The following CAMSAP1 variants were observed in gnomAD, a reference collection of about 807,000 sequenced individuals.
CAMSAP1 encodes the protein calmodulin-regulated spectrin-associated protein 1.
CAMSAP1 carries 58 observed loss-of-function variants against 143.5 expected under a neutral mutation model. That is an observed-to-expected ratio of 0.40 (90% CI 0.33 to 0.50). The LOEUF (loss-of-function observed/expected upper bound fraction) is 0.50, where lower values mean the gene tolerates loss of function less well. Among genes scored for constraint, CAMSAP1 ranks in the 20% least tolerant of loss-of-function variants. The pLI, the probability that CAMSAP1 is intolerant of heterozygous loss-of-function variation, is 0.45. For missense variants in CAMSAP1, 1,969 were observed against 2,115.7 expected (o/e 0.93, Z 1.36); for synonymous variants, 945 against 859.3 (o/e 1.10, Z -1.74).
chr9:135,871,452 T>G (rs1837567981), intron 3 of CAMSAP1, among the ~76,000 whole-genome samples: 1 of 152,226 alleles, frequency 6.6e-6, no homozygotes, highest in African/African-American at 2.4e-5. Flanking sequence ...CCTACCAAAG[T>G]GCTGAGATTC....
At chr9:135,853,837 T>G (rs960568916) in intron 5 of CAMSAP1, among the ~76,000 whole-genome samples, 6 of 152,190 alleles carry the variant, frequency 3.9e-5, no homozygotes, top group Non-Finnish European at 7.4e-5. Flanking sequence ...CTGCCACAGG[T>G]GGGGTCAACA....
chr9:135,904,365 C>G lies in CAMSAP1; in HGVS notation c.160+2635G>C, dbSNP rs367886620. ...AGTGAACCGAGGTCACACCACTGCA[C>G]TCCAGCCTGGCCGACAGAGCGAGAC... On this transcript the variant is annotated intron_variant, in intron 1 of 16. Coordinates refer to ENST00000389532, the MANE Select transcript of CAMSAP1 (RefSeq NM_015447.4). 5.9e-4 allele frequency among the ~76,000 whole-genome samples: 87 copies of G among 147,596 alleles called. No individual in the cohort carries two copies. In the Middle Eastern group the frequency reaches 0.021, roughly 35 times the overall value.
chr9:135,857,936 C>T (rs944258074), intron 5 of CAMSAP1, among the ~76,000 whole-genome samples: 5 of 152,166 alleles, frequency 3.3e-5, no homozygotes, highest in African/African-American at 1.2e-4. Flanking sequence ...GCTCAGTTCT[C>T]CTCAAGAGTG....
chr9:135,869,327 AC>A (rs202236717), intron 3 of CAMSAP1, among the ~76,000 whole-genome samples: 2,113 of 151,920 alleles, frequency 0.014, 35 homozygotes, highest in African/African-American at 0.045. Flanking sequence ...ACATGACGAA[AC>A]CCTGTCTCTA....
At chr9:135,842,508 C>A (rs1175098752) in intron 7 of CAMSAP1, among the ~76,000 whole-genome samples, 2 of 151,936 alleles carry the variant, frequency 1.3e-5, no homozygotes, top group East Asian at 1.9e-4. Context: ...ACAGCACACT[C>A]CACGAGAAGA....
intron 1 of CAMSAP1, among the ~76,000 whole-genome samples, chr9:135,888,663 C>A (rs77364656): frequency 0.017 from 2,556 of 152,292 alleles, 31 homozygotes; most frequent in Middle Eastern, 0.037. Context: ...CTGCAGAGGC[C>A]CCAAAGGTGA....
At chr9:135,812,899 T>C (rs2131634044) in intron 16 of CAMSAP1, among the ~76,000 whole-genome samples, 1 of 150,754 alleles carries the variant, frequency 6.6e-6, no homozygotes, top group Non-Finnish European at 1.5e-5. Context: ...GAGGTTGCAG[T>C]GAGCTGAGAT....
chr9:135,808,566 A>G lies in CAMSAP1; in HGVS notation c.*2743T>C, dbSNP rs1834926210. The G allele has an allele frequency of 6.6e-6, 1 of 152,252 alleles. No individual in the cohort carries two copies. Among genetic ancestry groups the G allele is most frequent in the Non-Finnish European group, 1.5e-5 (1 of 68,036 alleles). The allele number at this position is 152,252 out of a possible 1,614,324, so 9.4% of individuals were successfully genotyped here. On this transcript the variant is annotated 3_prime_UTR_variant, in exon 17 of 17. Transcript: ENST00000389532. ...ACTACAATTTCAGGGAGGTAAAAGT[A>G]TAACCTAGAAGTAATTTAGAATTAT...
chr9:135,844,365 G>A (rs1267984732), intron 7 of CAMSAP1, among the ~76,000 whole-genome samples: 7 of 152,134 alleles, frequency 4.6e-5, no homozygotes, highest in African/African-American at 7.2e-5. Context: ...GGTAAATTAC[G>A]AAATTAAGGC....
At chr9:135,896,892 G>C (rs1470392993) in intron 1 of CAMSAP1, among the ~76,000 whole-genome samples, 2 of 152,156 alleles carry the variant, frequency 1.3e-5, no homozygotes, top group African/African-American at 2.4e-5. Flanking sequence ...AAGGAGGCTT[G>C]AGGGAGCCTG....
intron 15 of CAMSAP1, among the ~76,000 whole-genome samples, chr9:135,815,594 T>C (rs1274930367): frequency 6.6e-6 from 1 of 152,224 alleles, no homozygotes; most frequent in African/African-American, 2.4e-5. Flanking sequence ...CAAGGGCAGC[T>C]GGTGAGAGCC....
chr9:135,818,913 G>A lies in CAMSAP1; in HGVS notation c.3959+97C>T. On this transcript the variant is annotated intron_variant, in intron 12 of 16. Transcript: ENST00000389532. This position sits in a 1 kb window ranked among gnomAD's most constrained non-coding sequence, Gnocchi z 7.7. ...AGTAAGACCGTCACAGGCACTCATTGCCATGGTCCATGCTCAGTGCCAGCA... is the reference window on the plus strand; with the variant it reads ...AGTAAGACCGTCACAGGCACTCATTACCATGGTCCATGCTCAGTGCCAGCA... The A allele has an allele frequency of 6.6e-7, 1 of 1,515,094 alleles. No individual in the cohort carries two copies. Among genetic ancestry groups the A allele is most frequent in the Non-Finnish European group, 8.9e-7 (1 of 1,128,426 alleles). The allele number at this position is 1,515,094 out of a possible 1,614,324, so 93.9% of individuals were successfully genotyped here.
At chr9:135,832,999 A>G (rs972979274) in intron 7 of CAMSAP1, among the ~76,000 whole-genome samples, 3 of 151,564 alleles carry the variant, frequency 2.0e-5, no homozygotes, top group African/African-American at 7.3e-5. Context: ...CAAAATCCCA[A>G]TGGCATTTTC....
intron 5 of CAMSAP1, among the ~76,000 whole-genome samples, chr9:135,851,748 T>C (rs111563691): frequency 1.8e-3 from 267 of 152,364 alleles, no homozygotes; most frequent in African/African-American, 4.6e-3. Context: ...CAGATCTATG[T>C]TGATACGGAG....
At position 135,822,719 on chromosome 9, in the gene CAMSAP1, T is replaced by C. The variant is rs1490593511; in HGVS notation, c.1942A>G (p.Arg648Gly). 2.5e-6 allele frequency: 4 copies of C among 1,612,300 alleles called. No homozygotes were observed. The South Asian group carries it at 4.4e-5, about 18-fold the overall frequency. The change falls in exon 11 of 17, where the codon AGG (arginine) becomes GGG (glycine). Residue 648 changes from arginine to glycine, a missense_variant. Physicochemically the swap from Arg to Gly is moderately radical, Grantham distance 125. This residue lies in a region of CAMSAP1 where 1,390 missense variants were observed against 1,420.8 expected (regional missense o/e 0.98). Transcript: ENST00000389532. The surrounding 1 kb of genome is among the most constrained non-coding windows in gnomAD (Gnocchi z 6.1). ...RKMTGSRDLN[R>G]TFTPIPCSEF... ...GAGCATGGAATCGGGGTAAAAGTCC[T>C]ATTCAAGTCGCGACTGCCAGTCATT...
chr9:135,871,268 A>T (rs1220336672), intron 3 of CAMSAP1, among the ~76,000 whole-genome samples: 1 of 152,158 alleles, frequency 6.6e-6, no homozygotes. Context: ...GGCTCATTGC[A>T]GCCTCAATCT....
At position 135,827,666 on chromosome 9, in the gene CAMSAP1, C is replaced by T. The variant is rs1835725954; in HGVS notation, c.1046-82G>A. ...ACCTAACCTGCAGCTTTTATAAGCA[C>T]TAACTCAACCTTTTATTGAAACCAA... On this transcript the variant is annotated intron_variant, in intron 7 of 16. Coordinates refer to ENST00000389532, the MANE Select transcript of CAMSAP1 (RefSeq NM_015447.4). The T allele has an allele frequency of 2.3e-6, 3 of 1,282,508 alleles. No individual in the cohort carries two copies. The East Asian group carries it at 7.8e-5, about 33-fold the overall frequency. 79.4% of individuals were successfully genotyped at this position (1,282,508 alleles called of 1,614,324 possible). A position where few individuals can be genotyped will look rare whatever the true frequency, so the allele number is the denominator to read the frequency against.
intron 1 of CAMSAP1, among the ~76,000 whole-genome samples, chr9:135,884,701 A>C (rs1838069877): frequency 6.6e-6 from 1 of 152,218 alleles, no homozygotes; most frequent in Admixed American, 6.5e-5. Context: ...AGAGCACAGC[A>C]GTAACACAAG....
intron 14 of CAMSAP1, among the ~76,000 whole-genome samples, chr9:135,816,229 CAG>C (rs1221587258): frequency 3.3e-5 from 5 of 152,208 alleles, no homozygotes; most frequent in Admixed American, 3.3e-4. Context: ...TGAAGACAGA[CAG>C]AGGGGAGTCA....
Sources: gnomAD v4.1 joint callset for allele counts (sites outside exome capture counted in the v4.1 genomes callset) on GRCh38, gnomAD v4.1.1 for gene constraint, gnomAD v4.1.1 regional missense constraint, Gnocchi (gnomAD v3.1) non-coding constraint, MANE v1.5 for transcripts, NCBI Gene and HGNC (gene_info 2026-07-23, HGNC 2026-07-21) for gene names.